Variants in SCARB2 observed in about 807,000 individuals in gnomAD.
The protein encoded by SCARB2 is scavenger receptor class B member 2, also known as lysosome membrane protein 2.
In SCARB2, 29 loss-of-function variants were observed where a neutral mutation model predicts 58.6. That is an observed-to-expected ratio of 0.49 (90% CI 0.37 to 0.67). The LOEUF (loss-of-function observed/expected upper bound fraction) is 0.67. Among genes scored for constraint, SCARB2 ranks in the 30% least tolerant of loss-of-function variants. SCARB2 has a pLI of 0.00. For synonymous variants in SCARB2, 195 were observed against 210.1 expected (o/e 0.93, Z 0.62); for missense variants, 488 against 578.5 (o/e 0.84, Z 1.60).
intron 2 of SCARB2, among the ~76,000 whole-genome samples, chr4:76,190,063 C>T (rs1294332706): frequency 6.7e-6 from 1 of 150,244 alleles, no homozygotes; most frequent in Non-Finnish European, 1.5e-5. Context: ...GGCTGGAGTG[C>T]AGTGGTGCAA....
chr4:76,213,691 C>G lies in SCARB2; in HGVS notation c.-148G>C, dbSNP rs28681268. ...CGGCGCACGGTTCGTGCGCGCAGCT[C>G]TGGGCTCCGCGGCCTGGCGAGCGCG... is the stretch of plus-strand genomic sequence containing the variant. On this transcript the variant is annotated 5_prime_UTR_variant, in exon 1 of 12. Coordinates refer to ENST00000264896, the MANE Select transcript of SCARB2 (RefSeq NM_005506.4). 1,371 of 588,568 alleles carry G rather than the reference C, an allele frequency of 2.3e-3. 9 individuals carry two copies. The African/African-American group carries it at 0.025, about 11-fold the overall frequency. 36.5% of individuals were successfully genotyped at this position (588,568 alleles called of 1,614,324 possible).
At chr4:76,204,199 A>G (rs1386205375) in intron 1 of SCARB2, among the ~76,000 whole-genome samples, 1 of 152,198 alleles carries the variant, frequency 6.6e-6, no homozygotes, top group African/African-American at 2.4e-5. Flanking sequence ...AACGAAGCAA[A>G]CCCAACCCAG....
Position 76,213,729 on chromosome 4 carries a change from C to G in SCARB2, c.-186G>C, listed in dbSNP as rs1415422401. The G allele has an allele frequency of 1.2e-5, 6 of 503,962 alleles. No individual in the cohort carries two copies. The highest frequency in any genetic ancestry group is 3.7e-5 in the East Asian group (1 of 27,314). The allele number at this position is 503,962 out of a possible 1,614,324, so 31.2% of individuals were successfully genotyped here. On this transcript the variant is annotated 5_prime_UTR_variant, in exon 1 of 12. Transcript: ENST00000264896. The stretch of plus-strand genomic sequence containing the variant: ...CCTGGCGAGCGCGGCCCCGGGTGCA[C>G]CGGGCGGATGGGGCCGCGGAGGGAC...
chr4:76,213,894 G>C (rs1253940998), upstream of SCARB2: 1 of 169,652 alleles, frequency 5.9e-6, no homozygotes, highest in Non-Finnish European at 1.2e-5. Context: ...AACCGCCGGC[G>C]ACTGCGCGGG....
At chr4:76,209,754 GC>G (rs1733002216) in intron 1 of SCARB2, among the ~76,000 whole-genome samples, 1 of 152,214 alleles carries the variant, frequency 6.6e-6, no homozygotes, top group Non-Finnish European at 1.5e-5. Context: ...CTTGCCCAGA[GC>G]CTCAGGTCCA....
At chr4:76,183,584 C>A (rs1422553808) in intron 2 of SCARB2, among the ~76,000 whole-genome samples, 1 of 152,194 alleles carries the variant, frequency 6.6e-6, no homozygotes, top group Non-Finnish European at 1.5e-5. Context: ...TCTCCAGGAA[C>A]CTCCCCATGT....
intron 2 of SCARB2, among the ~76,000 whole-genome samples, chr4:76,188,376 C>T (rs565441571): frequency 6.6e-6 from 1 of 152,038 alleles, no homozygotes; most frequent in African/African-American, 2.4e-5. Flanking sequence ...GACTGACTGG[C>T]TGTTATCAAC....
intron 9 of SCARB2, 177 bp from the exon 10 acceptor site, chr4:76,166,478 T>C (rs944720112): frequency 1.5e-6 from 1 of 679,600 alleles, no homozygotes; most frequent in Non-Finnish European, 2.6e-6. Context: ...TTCCAGTCTG[T>C]CTAGCAATTC....
At chr4:76,195,487 C>G in intron 2 of SCARB2, 1 of 569,712 alleles carries the variant, frequency 1.8e-6, no homozygotes, top group Non-Finnish European at 3.1e-6. Flanking sequence ...AACCGCTGCA[C>G]TTCAAAACAC....
At chr4:76,162,075 G>T in intron 11 of SCARB2, 1 of 406,420 alleles carries the variant, frequency 2.5e-6, no homozygotes, top group South Asian at 2.7e-5. Flanking sequence ...GTGTCTCAGA[G>T]GTATTAGTTC....
intron 10 of SCARB2, chr4:76,164,179 A>G (rs1731954172): frequency 6.6e-6 from 1 of 152,264 alleles, no homozygotes; most frequent in Non-Finnish European, 1.5e-5. Context: ...TTCCATAGAA[A>G]TAATGAGCAA....
At chr4:76,207,705 C>A (rs980371440) in intron 1 of SCARB2, among the ~76,000 whole-genome samples, 3 of 152,142 alleles carry the variant, frequency 2.0e-5, no homozygotes, top group African/African-American at 7.2e-5. Context: ...GGCCAACATC[C>A]TATGTTTTCA....
At chr4:76,198,184 C>CAT (rs1385020120) in intron 1 of SCARB2, among the ~76,000 whole-genome samples, 1 of 152,204 alleles carries the variant, frequency 6.6e-6, no homozygotes, top group Non-Finnish European at 1.5e-5. Flanking sequence ...TGACAAGCAT[C>CAT]ATAGTGTGTG....
chr4:76,219,179 C>A (rs959579314), intron 1 of SCARB2, among the ~76,000 whole-genome samples: 4 of 152,138 alleles, frequency 2.6e-5, no homozygotes, highest in Non-Finnish European at 5.9e-5. Flanking sequence ...TAAGCAATGG[C>A]ACTGGAATAC....
upstream of SCARB2, chr4:76,214,438 T>C (rs1357399590): frequency 2.5e-6 from 1 of 396,612 alleles, no homozygotes; most frequent in Non-Finnish European, 5.0e-6. Context: ...AGCAAAGGCA[T>C]TGGGGGTGAA....
intron 1 of SCARB2, among the ~76,000 whole-genome samples, chr4:76,223,973 T>C (rs1578750443): frequency 6.6e-6 from 1 of 152,176 alleles, no homozygotes. Context: ...CAGGTTCTGA[T>C]GATGTTGGGG....
chr4:76,195,632 GGGAAGAGGCAAGGACTCA>G, intron 2 of SCARB2, 57 bp downstream of exon 2: 1 of 1,300,236 alleles, frequency 7.7e-7, no homozygotes, highest in Non-Finnish European at 1.1e-6. Context: ...CCTTGCTCCT[GGGAAGAGGCAAGGACTCA>G]GGCCATATTG....
At chr4:76,219,355 C>T (rs549799019) in intron 1 of SCARB2, among the ~76,000 whole-genome samples, 6 of 152,206 alleles carry the variant, frequency 3.9e-5, no homozygotes, top group African/African-American at 1.2e-4. Context: ...TATATTCTGA[C>T]GTGAAATGTA....
intron 1 of SCARB2, among the ~76,000 whole-genome samples, chr4:76,206,411 T>C (rs1732932749): frequency 6.6e-6 from 1 of 152,034 alleles, no homozygotes; most frequent in Admixed American, 6.6e-5. Flanking sequence ...AACATCCACA[T>C]GTTTCAAGAG....
Sources: allele counts gnomAD v4.1 joint callset (sites outside exome capture counted in the v4.1 genomes callset), GRCh38; gene constraint gnomAD v4.1.1; transcripts MANE v1.5; gene names NCBI Gene and HGNC (gene_info 2026-07-23, HGNC 2026-07-21).